The following PADI6 variants were observed in gnomAD, a reference collection of about 807,000 sequenced individuals.
PADI6 encodes the protein peptidyl arginine deiminase 6, also known as inactive protein-arginine deiminase type-6.
A neutral mutation model predicts 78.2 loss-of-function variants in PADI6; 66 were observed. The ratio of observed to expected loss-of-function variants is 0.84; its 90% CI spans 0.69 to 1.04. The LOEUF is 1.04. Among genes scored for constraint, PADI6 ranks in the 50% least tolerant of loss-of-function variants. The pLI is 0.00. For synonymous variants in PADI6, 397 were observed against 346.9 expected, an observed-to-expected ratio of 1.14 and a Z score of -1.60; for missense variants, 854 against 866.1, an observed-to-expected ratio of 0.99 and a Z score of 0.18.
Position 17,392,212 on chromosome 1 carries a change from G to A in PADI6, c.1061G>A (p.Gly354Asp). 6.4e-7 allele frequency: 1 copy of A among 1,555,322 alleles called. No homozygotes were observed. The highest frequency in any genetic ancestry group is 8.7e-7 in the Non-Finnish European group (1 of 1,149,166). ...GTCTATGAGGACCCCAACCGCCTGGGCAGGTGGCTCCAGGTAACACCCCAC... is the reference window on the plus strand; with the variant it reads ...GTCTATGAGGACCCCAACCGCCTGGACAGGTGGCTCCAGGTAACACCCCAC... Reference protein sequence around the residue: ...ASVYEDPNRLGRWLQDEMAFC... With the variant: ...ASVYEDPNRLDRWLQDEMAFC... Residue 354 changes from glycine (G) to aspartate (D), a missense_variant, in exon 9 of 16, where the codon GGC becomes GAC. Gly to Asp is a moderately conservative substitution (Grantham distance 94). Transcript: ENST00000619609.
intron 6 of PADI6, among the ~76,000 whole-genome samples, chr1:17,383,862 T>TC (rs2075095696): frequency 6.8e-6 from 1 of 147,140 alleles, no homozygotes; most frequent in African/African-American, 2.5e-5. Flanking sequence ...TATTCAACAA[T>TC]CTAGGGGCTG....
At chr1:17,397,048 C>CT (rs2075253903) in intron 13 of PADI6, 23 bp from the exon 14 acceptor site, 1 of 1,611,676 alleles carries the variant, frequency 6.2e-7, no homozygotes, top group Admixed American at 1.7e-5. Flanking sequence ...ACCAGCAGGC[C>CT]TGCTGCCCGC....
intron 8 of PADI6, among the ~76,000 whole-genome samples, chr1:17,390,132 T>TC (rs2075167723): frequency 6.6e-6 from 1 of 151,464 alleles, no homozygotes; most frequent in African/African-American, 2.4e-5. Context: ...AAACCCCGTC[T>TC]CCACTAAAAA....
At position 17,399,286 on chromosome 1, in the gene PADI6, G is replaced by C. The variant is rs994244554; in HGVS notation, c.1851+439G>C. Among the ~76,000 whole-genome samples the C allele has an allele frequency of 4.6e-5, 7 of 152,316 alleles. No individual in the cohort carries two copies. In the Middle Eastern group the frequency reaches 0.017, roughly 370 times the overall value. On this transcript the variant is annotated intron_variant, in intron 15 of 15. Coordinates refer to ENST00000619609, the MANE Select transcript of PADI6 (RefSeq NM_207421.4). ...CCAGGGCAGCAGTGTCTGATACATAGAGGTACATCAGCCCTTAAAATAACA... is the reference window on the plus strand; with the variant it reads ...CCAGGGCAGCAGTGTCTGATACATACAGGTACATCAGCCCTTAAAATAACA...
rs759527516 is a variant in PADI6, at chr1:17,401,483, C to T, written c.*45C>T. 6.7e-7 allele frequency: 1 copy of T among 1,499,924 alleles called. No individual in the cohort carries two copies. The highest frequency in any genetic ancestry group is 9.2e-7 in the Non-Finnish European group (1 of 1,085,980). 92.9% of individuals were successfully genotyped at this position (1,499,924 alleles called of 1,614,324 possible). On this transcript the variant is annotated 3_prime_UTR_variant, in exon 16 of 16. Transcript: ENST00000619609. ...CAGCTCTGCCCCAGCGTGGATGGCC[C>T]ACTGTCACCATGCAACAGCATGATT...
At position 17,397,128 on chromosome 1, in the gene PADI6, A is replaced by G. The variant is rs1393782751; in HGVS notation, c.1676A>G (p.Asn559Ser). 6.2e-7 allele frequency: 1 copy of G among 1,613,892 alleles called. No individual in the cohort carries two copies. Among genetic ancestry groups the G allele is most frequent in the African/African-American group, 1.3e-5 (1 of 75,076 alleles). Residue 559 changes from asparagine to serine, a missense_variant, in exon 14 of 16, where the codon AAT (asparagine) becomes AGT (serine). Coordinates refer to ENST00000619609, the MANE Select transcript of PADI6 (RefSeq NM_207421.4). Reference protein sequence around the residue: ...LLADESLKKQNEYVEKCIHLN... With the variant: ...LLADESLKKQSEYVEKCIHLN... The stretch of plus-strand genomic sequence containing the variant: ...GCTGATGAAAGCCTGAAGAAGCAGA[A>G]TGAATACGTGGAGGTAGGACCAGTG...
chr1:17,394,220 G>GA, intron 10 of PADI6, 80 bp from the exon 11 acceptor site: 1 of 1,576,414 alleles, frequency 6.3e-7, no homozygotes, highest in Non-Finnish European at 8.7e-7. Context: ...GTCTACCTGA[G>GA]AGCCTGGATT....
intron 3 of PADI6, among the ~76,000 whole-genome samples, chr1:17,377,340 C>T (rs1257786225): frequency 6.6e-6 from 1 of 152,084 alleles, no homozygotes. Flanking sequence ...ACTTATTTTT[C>T]CTCCTGCCTG....
Position 17,401,593 on chromosome 1 carries a change from G to C in PADI6, c.*155G>C. 1.4e-6 allele frequency: 1 copy of C among 693,958 alleles called. No individual in the cohort carries two copies. The highest frequency in any genetic ancestry group is 2.4e-6 in the Non-Finnish European group (1 of 421,716). 43.0% of individuals were successfully genotyped at this position (693,958 alleles called of 1,614,324 possible). On this transcript the variant is annotated 3_prime_UTR_variant, in exon 16 of 16. Coordinates refer to ENST00000619609, the MANE Select transcript of PADI6 (RefSeq NM_207421.4). ...CCCCGACCGACCCTCGGACCCAGTA[G>C]GATGGCAAATGCCGCCAGCTTGAAC...
chr1:17,383,199 G>A (rs1172025727), intron 6 of PADI6, among the ~76,000 whole-genome samples: 1 of 152,198 alleles, frequency 6.6e-6, no homozygotes, highest in Non-Finnish European at 1.5e-5. Flanking sequence ...CAGCATTGGA[G>A]AGTGTGCCCC....
In PADI6 at chr1:17,375,495, C is replaced by T; in HGVS notation, c.363C>T (p.Gly121=). 1 of 1,604,708 alleles carries T rather than the reference C, an allele frequency of 6.2e-7. No homozygotes were observed. Among genetic ancestry groups the T allele is most frequent in the East Asian group, 2.2e-5 (1 of 44,492 alleles). ...GCACAGCTGTGCTGTACCTCACTGG[C>T]ATTGGTGAGTGTTGCTCCAACTGGG... ...PVGTAVLYLT[G]IEVSLEVDIY... The change falls in exon 3 of 16, where the codon GGC becomes GGT. Residue 121 remains glycine (G), a synonymous_variant. Coordinates refer to ENST00000619609, the MANE Select transcript of PADI6 (RefSeq NM_207421.4).
At chr1:17,392,007 CCT>C in intron 8 of PADI6, 105 bp from the exon 9 acceptor site, 1 of 922,224 alleles carries the variant, frequency 1.1e-6, no homozygotes, top group South Asian at 1.6e-5. Context: ...AGGGATGTAA[CCT>C]CTCCTGGTGA....
At chr1:17,393,471 G>A (rs1230119504) in intron 9 of PADI6, among the ~76,000 whole-genome samples, 1 of 152,218 alleles carries the variant, frequency 6.6e-6, no homozygotes, top group Non-Finnish European at 1.5e-5. Context: ...CAGAATGTAA[G>A]CCAGTAAGGC....
intron 8 of PADI6, among the ~76,000 whole-genome samples, chr1:17,389,401 C>T (rs1475782586): frequency 6.6e-6 from 1 of 152,114 alleles, no homozygotes. Flanking sequence ...ACTTAGGGGC[C>T]CTGGTTCCTT....
intron 8 of PADI6, among the ~76,000 whole-genome samples, chr1:17,390,323 G>A (rs184729001): frequency 1.6e-3 from 239 of 150,344 alleles, no homozygotes; most frequent in African/African-American, 5.6e-3. Flanking sequence ...AAAATTGCTG[G>A]GTGTGGTGGC....
intron 6 of PADI6, among the ~76,000 whole-genome samples, chr1:17,387,456 G>GGA (rs954465997): frequency 1.9e-4 from 27 of 144,278 alleles, no homozygotes; most frequent in African/African-American, 6.7e-4. Flanking sequence ...AAAAAGAAAA[G>GGA]GAGGGGGGGG....
In PADI6 at chr1:17,377,696, C is replaced by T. The variant is rs372536305; in HGVS notation, c.367+2197C>T. 3.9e-5 allele frequency among the ~76,000 whole-genome samples: 6 copies of T among 152,294 alleles called. No individual in the cohort carries two copies. In the South Asian group the frequency reaches 6.2e-4, roughly 16 times the overall value. ...GCAGTCTGAATCTTGTGTTACCTGA[C>T]GTTTCGCCAGAATCCAGCAACTCGC... On this transcript the variant is annotated intron_variant, in intron 3 of 15. Coordinates refer to ENST00000619609, the MANE Select transcript of PADI6 (RefSeq NM_207421.4).
intron 2 of PADI6, among the ~76,000 whole-genome samples, chr1:17,373,530 T>C (rs1010961634): frequency 1.3e-5 from 2 of 151,808 alleles, no homozygotes; most frequent in African/African-American, 4.8e-5. Flanking sequence ...TCACGCTCAT[T>C]GCCCAGACTG....
intron 14 of PADI6, 124 bp downstream of exon 14, chr1:17,397,265 C>A: frequency 9.7e-7 from 1 of 1,025,716 alleles, no homozygotes; most frequent in Non-Finnish European, 1.5e-6. Flanking sequence ...CTGCCTGCCA[C>A]CCTTTCTTCC....
Sources: gnomAD v4.1 joint callset for allele counts (sites outside exome capture counted in the v4.1 genomes callset) on GRCh38, gnomAD v4.1.1 for gene constraint, MANE v1.5 for transcripts, NCBI Gene and HGNC (gene_info 2026-07-23, HGNC 2026-07-21) for gene names.